SGK3: variants seen among roughly 807,000 people sequenced by gnomAD.
SGK3 encodes serum/glucocorticoid regulated kinase family member 3.
In SGK3, 47 loss-of-function variants were observed where a neutral mutation model predicts 68.5. The observed-to-expected ratio is 0.69, with a 90% CI of 0.54 to 0.87. SGK3 has a LOEUF of 0.87. Ranked by LOEUF, SGK3 falls within the 40% of genes least tolerant of loss-of-function variation. The pLI is 0.00. For synonymous variants in SGK3, 181 were observed against 189.1 expected (o/e 0.96, Z 0.35); for missense variants, 479 against 575.5 (o/e 0.83, Z 1.72).
chr8:66,816,929 C>T (rs1459987672), intron 5 of SGK3, among the ~76,000 whole-genome samples: 2 of 152,094 alleles, frequency 1.3e-5, no homozygotes, highest in African/African-American at 4.8e-5. Context: ...TCCCTGGGCT[C>T]AAGCAGTTCT....
At chr8:66,799,654 C>T (rs185894715) in intron 3 of SGK3, among the ~76,000 whole-genome samples, 92 of 152,302 alleles carry the variant, frequency 6.0e-4, no homozygotes, top group Admixed American at 1.6e-3. Context: ...GAGGGTCTTG[C>T]GCTGTCACCC....
intron 7 of SGK3, among the ~76,000 whole-genome samples, chr8:66,829,661 G>T (rs1809217979): frequency 6.6e-6 from 1 of 152,126 alleles, no homozygotes; most frequent in African/African-American, 2.4e-5. Context: ...ATGGTGTGGT[G>T]GTTGATATAA....
intron 1 of SGK3, among the ~76,000 whole-genome samples, chr8:66,718,095 G>A (rs1004330646): frequency 1.3e-5 from 2 of 150,692 alleles, no homozygotes; most frequent in African/African-American, 2.4e-5. Flanking sequence ...GCATGATCTC[G>A]GCTCACTACA....
intron 1 of SGK3, among the ~76,000 whole-genome samples, chr8:66,738,784 C>T (rs545896644): frequency 5.5e-4 from 84 of 152,202 alleles, no homozygotes; most frequent in African/African-American, 2.0e-3. Flanking sequence ...CCTGCCACCA[C>T]ACCTGGCTAA....
intron 4 of SGK3, among the ~76,000 whole-genome samples, chr8:66,806,808 T>A (rs1808184623): frequency 6.9e-6 from 1 of 144,558 alleles, no homozygotes; most frequent in African/African-American, 2.6e-5. Flanking sequence ...AGCAAGACTC[T>A]GTCTCGAAAA....
In SGK3 at chr8:66,780,594, C is replaced by T. The variant is rs79634519; in HGVS notation, c.-121-13022C>T. On this transcript the variant is annotated intron_variant, in intron 1 of 16. Coordinates refer to ENST00000521198, the MANE Select transcript of SGK3 (RefSeq NM_001033578.3). ...ACAGAGGGGCCACTGGTACAATAGA[C>T]GAGATGGGAGAGGGCTTGGAAGGTG... is the stretch of plus-strand genomic sequence containing the variant. Among the ~76,000 whole-genome samples the T allele has an allele frequency of 7.9e-3, 1,208 of 152,200 alleles. 43 individuals carry two copies. Among genetic ancestry groups the T allele is most frequent in the Admixed American group, 0.058 (892 of 15,280 alleles).
intron 13 of SGK3, among the ~76,000 whole-genome samples, chr8:66,842,706 A>G (rs1458384383): frequency 6.6e-6 from 1 of 152,236 alleles, no homozygotes; most frequent in African/African-American, 2.4e-5. Flanking sequence ...AATTGCTGTT[A>G]TAATTCTCAG....
chr8:66,788,215 C>T (rs577128864), intron 1 of SGK3, among the ~76,000 whole-genome samples: 1 of 152,290 alleles, frequency 6.6e-6, no homozygotes, highest in South Asian at 2.1e-4. Context: ...GCCGTCCAGA[C>T]CTGCTTAAGC....
chr8:66,829,065 C>A (rs1290776291), intron 7 of SGK3, among the ~76,000 whole-genome samples: 1 of 151,860 alleles, frequency 6.6e-6, no homozygotes, highest in Non-Finnish European at 1.5e-5. Context: ...AAAAAAAGCA[C>A]CCTTGCAGGC....
chr8:66,809,755 G>A (rs1269657945), intron 4 of SGK3, among the ~76,000 whole-genome samples: 4 of 152,182 alleles, frequency 2.6e-5, no homozygotes, highest in Non-Finnish European at 4.4e-5. Context: ...GAAAATCCTC[G>A]TACAACTTCT....
At chr8:66,720,118 G>T (rs1480141455) in intron 1 of SGK3, among the ~76,000 whole-genome samples, 1 of 152,232 alleles carries the variant, frequency 6.6e-6, no homozygotes, top group Non-Finnish European at 1.5e-5. Flanking sequence ...TAAAGGGAAT[G>T]AGGGTGTGTG....
chr8:66,840,061 C>G lies in SGK3; in HGVS notation c.800C>G (p.Ala267Gly). The G allele has an allele frequency of 6.2e-7, 1 of 1,613,960 alleles. No homozygotes were observed. Among genetic ancestry groups the G allele is most frequent in the Non-Finnish European group, 8.5e-7 (1 of 1,179,950 alleles). The stretch of plus-strand genomic sequence containing the variant: ...CCTGAGCACAGAGCTAGGTTTTACG[C>G]TGCTGAAATTGCTAGTGCATTGGGT... ...SFPEHRARFY[A>G]AEIASALGYL... Residue 267 changes from alanine to glycine, a missense_variant, in exon 11 of 17, where the codon GCT (alanine) becomes GGT (glycine). Coordinates refer to ENST00000521198, the MANE Select transcript of SGK3 (RefSeq NM_001033578.3).
chr8:66,775,513 G>C (rs1339974691), intron 1 of SGK3: 1 of 152,364 alleles, frequency 6.6e-6, no homozygotes, highest in Admixed American at 6.5e-5. Flanking sequence ...CCCCTGAGAG[G>C]AGAGGCGGGC....
intron 1 of SGK3, among the ~76,000 whole-genome samples, chr8:66,783,581 G>A (rs911422917): frequency 6.6e-6 from 1 of 152,124 alleles, no homozygotes; most frequent in Non-Finnish European, 1.5e-5. Flanking sequence ...ACAGTGATGC[G>A]ATCTTGGCTC....
chr8:66,805,589 G>T lies in SGK3; in HGVS notation c.253+1142G>T, dbSNP rs779382207. On this transcript the variant is annotated intron_variant, in intron 4 of 16. Coordinates refer to ENST00000521198, the MANE Select transcript of SGK3 (RefSeq NM_001033578.3). The stretch of plus-strand genomic sequence containing the variant: ...CTTGGGGAACCCATGGACACAGAGG[G>T]TCTCAGCATCTAGCACCTCTATGAC... 7.4e-4 allele frequency among the ~76,000 whole-genome samples: 113 copies of T among 152,128 alleles called. 1 individual carries two copies. Among genetic ancestry groups the T allele is most frequent in the Middle Eastern group, 3.4e-3 (1 of 294 alleles).
chr8:66,742,772 A>G (rs1313184626), intron 1 of SGK3, among the ~76,000 whole-genome samples: 1 of 152,120 alleles, frequency 6.6e-6, no homozygotes, highest in Non-Finnish European at 1.5e-5. Flanking sequence ...ACTGCCCCAC[A>G]TTTTTTGTAT....
At chr8:66,731,820 C>T (rs1054454411) in intron 1 of SGK3, among the ~76,000 whole-genome samples, 1 of 152,188 alleles carries the variant, frequency 6.6e-6, no homozygotes, top group African/African-American at 2.4e-5. Context: ...AGGCGTGAGC[C>T]ACCGCACCCG....
intron 14 of SGK3, 61 bp downstream of exon 14, chr8:66,843,608 C>T: frequency 6.6e-7 from 1 of 1,516,084 alleles, no homozygotes; most frequent in East Asian, 2.3e-5. Flanking sequence ...GTCTGTCTGT[C>T]TCTCCCACCT....
chr8:66,798,410 C>A, intron 2 of SGK3, 132 bp from the exon 3 acceptor site: 1 of 631,922 alleles, frequency 1.6e-6, no homozygotes, highest in South Asian at 2.8e-5. Flanking sequence ...AATATGAAAA[C>A]ATCAGCCTTG....
Sources: allele counts gnomAD v4.1 joint callset (sites outside exome capture counted in the v4.1 genomes callset), GRCh38; gene constraint gnomAD v4.1.1; transcripts MANE v1.5; gene names NCBI Gene and HGNC (gene_info 2026-07-23, HGNC 2026-07-21).